The following ELOVL6 variants were observed in gnomAD, a reference collection of about 807,000 sequenced individuals.
The protein encoded by ELOVL6 is ELOVL fatty acid elongase 6, also known as very long chain fatty acid elongase 6.
ELOVL6 carries 8 observed loss-of-function variants against 31.7 expected under a neutral mutation model. The observed-to-expected ratio is 0.25, with a 90% confidence interval of 0.15 to 0.45. ELOVL6 has a LOEUF of 0.45. Among genes scored for constraint, ELOVL6 ranks in the 20% least tolerant of loss-of-function variants. ELOVL6 has a pLI of 1.00. For missense variants in ELOVL6, 126 were observed against 326.4 expected, an observed-to-expected ratio of 0.39 and a Z score of 4.73; for synonymous variants, 101 against 117.7, an observed-to-expected ratio of 0.86 and a Z score of 0.92.
At position 110,198,355 on chromosome 4, in the gene ELOVL6, C is replaced by G; in HGVS notation, c.-20G>C. On this transcript the variant is annotated 5_prime_UTR_variant, in exon 1 of 4. Coordinates refer to ENST00000302274, the MANE Select transcript of ELOVL6 (RefSeq NM_024090.3). ...GTTCATTGGGGCTGATCTTCGGAGT[C>G]GCTACGTGTTCTCTATACAAAATAA... is the stretch of plus-strand genomic sequence containing the variant. 1 of 1,433,970 alleles carries G rather than the reference C, an allele frequency of 7.0e-7. No homozygotes were observed. The highest frequency in any genetic ancestry group is 1.2e-5 in the South Asian group (1 of 86,504). The allele number at this position is 1,433,970 out of a possible 1,614,324, so 88.8% of individuals were successfully genotyped here.
chr4:110,080,184 G>C (rs561232014), intron 2 of ELOVL6, among the ~76,000 whole-genome samples: 32 of 152,120 alleles, frequency 2.1e-4, no homozygotes, highest in African/African-American at 6.0e-4. Context: ...TGGTACCATT[G>C]CTTCTGAAAC....
chr4:110,091,199 A>C (rs1353213815), intron 2 of ELOVL6, among the ~76,000 whole-genome samples: 1 of 152,144 alleles, frequency 6.6e-6, no homozygotes, highest in Non-Finnish European at 1.5e-5. Flanking sequence ...TTACACACCT[A>C]TTCTAGAGGT....
chr4:110,151,433 G>GT (rs2126265490), intron 1 of ELOVL6, among the ~76,000 whole-genome samples: 1 of 152,184 alleles, frequency 6.6e-6, no homozygotes, highest in Non-Finnish European at 1.5e-5. Flanking sequence ...TCCACTTTTG[G>GT]TGTCATGTTA....
intron 1 of ELOVL6, among the ~76,000 whole-genome samples, chr4:110,141,264 T>C (rs9995148): frequency 0.67 from 102,360 of 151,938 alleles, 35,285 homozygotes; most frequent in Admixed American, 0.76. Flanking sequence ...GGTTTCTCCA[T>C]GTTGGTCAGG....
chr4:110,091,821 T>G (rs1454514579), intron 2 of ELOVL6, among the ~76,000 whole-genome samples: 1 of 152,200 alleles, frequency 6.6e-6, no homozygotes, highest in Non-Finnish European at 1.5e-5. Context: ...AGAAAATCGT[T>G]GCTTTATAAA....
At chr4:110,113,926 G>A (rs567572781) in intron 1 of ELOVL6, among the ~76,000 whole-genome samples, 8 of 152,170 alleles carry the variant, frequency 5.3e-5, no homozygotes, top group South Asian at 2.1e-4. Context: ...TTCCAATGAG[G>A]CAATGCTCAC....
intron 1 of ELOVL6, among the ~76,000 whole-genome samples, chr4:110,193,783 A>T (rs1759695911): frequency 1.3e-5 from 2 of 152,190 alleles, no homozygotes; most frequent in African/African-American, 4.8e-5. Context: ...CTTTTACACC[A>T]CCAAGGGAGT....
intron 1 of ELOVL6, among the ~76,000 whole-genome samples, chr4:110,196,097 G>C (rs1759769060): frequency 6.6e-6 from 1 of 152,152 alleles, no homozygotes; most frequent in Non-Finnish European, 1.5e-5. Flanking sequence ...CCTGAAGCAG[G>C]CCTAGGAAGT....
At chr4:110,190,573 C>T (rs375572145) in intron 1 of ELOVL6, among the ~76,000 whole-genome samples, 24 of 152,274 alleles carry the variant, frequency 1.6e-4, no homozygotes, top group African/African-American at 5.1e-4. Flanking sequence ...GGTGCAATCT[C>T]GCCTCACTGG....
chr4:110,116,684 T>A (rs1757175529), intron 1 of ELOVL6, among the ~76,000 whole-genome samples: 1 of 152,240 alleles, frequency 6.6e-6, no homozygotes, highest in South Asian at 2.1e-4. Flanking sequence ...ACCATTCTCT[T>A]AATCCCAATC....
intron 2 of ELOVL6, among the ~76,000 whole-genome samples, chr4:110,077,903 T>A (rs1291270096): frequency 6.6e-6 from 1 of 152,152 alleles, no homozygotes; most frequent in Non-Finnish European, 1.5e-5. Flanking sequence ...AAGGACCTGA[T>A]GGAGCTGAAA....
intron 2 of ELOVL6, among the ~76,000 whole-genome samples, chr4:110,104,216 C>A (rs1756825119): frequency 6.6e-6 from 1 of 152,078 alleles, no homozygotes; most frequent in Admixed American, 6.5e-5. Flanking sequence ...AAATTCCCCA[C>A]AAATATCAAA....
intron 1 of ELOVL6, among the ~76,000 whole-genome samples, chr4:110,114,980 T>C (rs1757134389): frequency 6.6e-6 from 1 of 152,156 alleles, no homozygotes; most frequent in Admixed American, 6.5e-5. Context: ...GGAGAATCCA[T>C]TTCTGTTGTA....
At chr4:110,138,666 C>G (rs1335722813) in intron 1 of ELOVL6, among the ~76,000 whole-genome samples, 1 of 148,660 alleles carries the variant, frequency 6.7e-6, no homozygotes, top group African/African-American at 2.5e-5. Flanking sequence ...ACTGGAAAGC[C>G]TGAACACTAG....
chr4:110,158,657 A>ATATATATATTT lies in ELOVL6; in HGVS notation c.89+39589_89+39590insAAATATATATA. On this transcript the variant is annotated intron_variant, in intron 1 of 3. Transcript: ENST00000302274. Reference sequence around the variant, plus strand: ...CGTGTATATATATATATATATATATATTTTTTTTTTTTTTTTTTTTGAGAC... The same window carrying ATATATATATTT: ...CGTGTATATATATATATATATATATATATATATATTTTTTTTTTTTTTTTTTTTTTTGAGAC... Among the ~76,000 whole-genome samples the ATATATATATTT allele has an allele frequency of 4.9e-4, 36 of 74,160 alleles. 1 individual carries two copies. The highest frequency in any genetic ancestry group is 2.2e-3 in the African/African-American group (26 of 12,072). 48.7% of individuals were successfully genotyped at this position (74,160 alleles called of 152,430 possible).
At chr4:110,139,607 C>T (rs1300026814) in intron 1 of ELOVL6, among the ~76,000 whole-genome samples, 1 of 152,086 alleles carries the variant, frequency 6.6e-6, no homozygotes, top group Non-Finnish European at 1.5e-5. Flanking sequence ...GAGAGAATTG[C>T]TATATAGCTG....
intron 1 of ELOVL6, among the ~76,000 whole-genome samples, chr4:110,158,655 A>AT (rs1365076499): frequency 2.0e-4 from 15 of 76,188 alleles, no homozygotes; most frequent in African/African-American, 9.7e-4. Context: ...ATATATATAT[A>AT]TATTTTTTTT....
intron 2 of ELOVL6, among the ~76,000 whole-genome samples, chr4:110,068,506 C>T (rs1177333539): frequency 6.6e-6 from 1 of 152,196 alleles, no homozygotes; most frequent in Non-Finnish European, 1.5e-5. Context: ...AAAACTTCAT[C>T]GCAAACAGAT....
At chr4:110,094,438 T>TATAAATATAA (rs1553957093) in intron 2 of ELOVL6, among the ~76,000 whole-genome samples, 1 of 55,354 alleles carries the variant, frequency 1.8e-5, no homozygotes, top group African/African-American at 8.6e-5. Flanking sequence ...TATATATATA[T>TATAAATATAA]ATATAATATA....
Sources: allele counts gnomAD v4.1 joint callset (sites outside exome capture counted in the v4.1 genomes callset), GRCh38; gene constraint gnomAD v4.1.1; transcripts MANE v1.5; gene names NCBI Gene and HGNC (gene_info 2026-07-23, HGNC 2026-07-21).